EFCAB3: variants seen among roughly 807,000 people sequenced by gnomAD.
The protein encoded by EFCAB3 is EF-hand calcium binding domain 3.
EFCAB3 carries 36 observed loss-of-function variants against 42.2 expected under a neutral mutation model. The ratio of observed to expected loss-of-function variants is 0.85; its 90% CI spans 0.65 to 1.13. EFCAB3 has a LOEUF of 1.13. Among genes scored for constraint, EFCAB3 ranks in the 50% most tolerant of loss-of-function variants. The pLI is 0.00. For synonymous variants in EFCAB3, 170 were observed against 172.8 expected (o/e 0.98, Z 0.13); for missense variants, 418 against 505.1 (o/e 0.83, Z 1.65).
chr17:62,406,829 G>A lies in EFCAB3; in HGVS notation c.682+156G>A, dbSNP rs77655960. Reference sequence around the variant, plus strand: ...ACATAGATGTCATTTGAAAGCAAATGTAGATGTAACTGAATCCTCAGACAC... The same window carrying A: ...ACATAGATGTCATTTGAAAGCAAATATAGATGTAACTGAATCCTCAGACAC... On this transcript the variant is annotated intron_variant, in intron 7 of 9. Coordinates refer to ENST00000305286, the MANE Select transcript of EFCAB3 (RefSeq NM_173503.4). Among the ~76,000 whole-genome samples the A allele has an allele frequency of 4.8e-3, 695 of 143,566 alleles. 4 individuals are homozygous for A. Among genetic ancestry groups the A allele is most frequent in the African/African-American group, 0.017 (654 of 38,998 alleles). The allele number at this position is 143,566 out of a possible 152,430, so 94.2% of individuals were successfully genotyped here.
chr17:62,382,554 A>G (rs1179303481), intron 1 of EFCAB3, among the ~76,000 whole-genome samples: 3 of 152,110 alleles, frequency 2.0e-5, no homozygotes, highest in Non-Finnish European at 2.9e-5. Context: ...TTCATCTTCA[A>G]ACTTTGTATC....
intron 3 of EFCAB3, among the ~76,000 whole-genome samples, chr17:62,390,022 G>A (rs1259487893): frequency 2.6e-5 from 4 of 151,836 alleles, no homozygotes; most frequent in Admixed American, 6.6e-5. Flanking sequence ...TCCTGACCTC[G>A]TGATCCACCC....
At chr17:62,410,495 T>C (rs2070485810) in intron 8 of EFCAB3, among the ~76,000 whole-genome samples, 1 of 152,130 alleles carries the variant, frequency 6.6e-6, no homozygotes, top group East Asian at 1.9e-4. Context: ...AGCTCATGCC[T>C]GTAACCCCAA....
At chr17:62,375,123 A>G (rs912993693) in intron 2 of EFCAB3, among the ~76,000 whole-genome samples, 1 of 152,206 alleles carries the variant, frequency 6.6e-6, no homozygotes, top group Non-Finnish European at 1.5e-5. Flanking sequence ...GTAAAAAGAA[A>G]TAAAAAAGGA....
chr17:62,378,019 G>T, upstream of EFCAB3: 1 of 1,549,146 alleles, frequency 6.5e-7, no homozygotes, highest in East Asian at 2.5e-5. Flanking sequence ...GATATTAAAG[G>T]TGAGTGTGAA....
In EFCAB3 at chr17:62,397,973, C is replaced by T. The variant is rs138907284; in HGVS notation, c.488+2785C>T. On this transcript the variant is annotated intron_variant, in intron 6 of 9. Coordinates refer to ENST00000305286, the MANE Select transcript of EFCAB3 (RefSeq NM_173503.4). ...CTGGGAGGCAGAGGTTGCAGTGAGC[C>T]GACATCATGCCACTGCACTCCAGCC... 299 of 192,478 alleles carry T rather than the reference C, an allele frequency of 1.6e-3. 2 individuals carry two copies. The highest frequency in any genetic ancestry group is 7.4e-3 in the African/African-American group (286 of 38,646). 11.9% of individuals were successfully genotyped at this position (192,478 alleles called of 1,614,324 possible). A position where few individuals can be genotyped will look rare whatever the true frequency, so the allele number is the denominator to read the frequency against.
In EFCAB3 at chr17:62,383,024, A is replaced by T. The variant is rs767184640; in HGVS notation, c.45A>T (p.Leu15=). Residue 15 remains leucine, a synonymous_variant, in exon 2 of 10, where the codon CTA becomes CTT. Transcript: ENST00000305286. ...EIKPKLKLNP[L]TKVPISHNKR... is the part of the protein sequence containing the mutation. Reference sequence around the variant, plus strand: ...AACCAAAACTTAAGCTGAATCCTCTAACAAAAGTACCCATCTCCCACAATA... The same window carrying T: ...AACCAAAACTTAAGCTGAATCCTCTTACAAAAGTACCCATCTCCCACAATA... 2 of 1,613,760 alleles carry T rather than the reference A, an allele frequency of 1.2e-6. No individual in the cohort carries two copies. Among genetic ancestry groups the T allele is most frequent in the Non-Finnish European group, 1.7e-6 (2 of 1,179,902 alleles).
intron 3 of EFCAB3, 113 bp from the exon 4 acceptor site, chr17:62,391,704 TCGCAA>T: frequency 8.9e-7 from 1 of 1,124,310 alleles, no homozygotes; most frequent in Admixed American, 2.4e-5. Context: ...CTCATTTTTT[TCGCAA>T]TCCTTTTTTT....
At chr17:62,415,214 C>T (rs2070536060) in intron 9 of EFCAB3, among the ~76,000 whole-genome samples, 1 of 152,166 alleles carries the variant, frequency 6.6e-6, no homozygotes, top group African/African-American at 2.4e-5. Context: ...AACCTGGTAT[C>T]CTCCAACCAT....
Position 62,387,401 on chromosome 17 carries a change from G to T in EFCAB3, c.136G>T (p.Ala46Ser). 1 of 1,611,558 alleles carries T rather than the reference G, an allele frequency of 6.2e-7. No individual in the cohort carries two copies. Among genetic ancestry groups the T allele is most frequent in the South Asian group, 1.1e-5 (1 of 90,970 alleles). Residue 46 changes from alanine (A) to serine (S), a missense_variant, in exon 3 of 10, where the codon GCT becomes TCT. Ala to Ser is a moderately conservative substitution (Grantham distance 99). Coordinates refer to ENST00000305286, the MANE Select transcript of EFCAB3 (RefSeq NM_173503.4). ...QLQHKEKKLSASQMAAFQDAY... is the reference protein window; with the variant it reads ...QLQHKEKKLSSSQMAAFQDAY... ...ACAACACAAAGAAAAGAAGCTAAGT[G>T]CTTCACAAATGGCAGGTAATGAGAA... is the stretch of plus-strand genomic sequence containing the variant.
At chr17:62,370,247 C>T in exon 1 of EFCAB3, 2 of 1,546,398 alleles carry the variant, frequency 1.3e-6, no homozygotes, top group Non-Finnish European at 1.7e-6. Flanking sequence ...AGAACTTAGA[C>T]AATTTCTAGC....
chr17:62,386,993 C>T (rs1406171775), intron 2 of EFCAB3, among the ~76,000 whole-genome samples: 4 of 152,052 alleles, frequency 2.6e-5, no homozygotes, highest in Non-Finnish European at 5.9e-5. Flanking sequence ...GGTCTTGCTA[C>T]GTTGCCCAAG....
intron 2 of EFCAB3, among the ~76,000 whole-genome samples, chr17:62,384,244 T>C (rs764674732): frequency 1.3e-5 from 2 of 152,218 alleles, no homozygotes; most frequent in Non-Finnish European, 2.9e-5. Flanking sequence ...CTTCAGTCAT[T>C]TGAAACTTTG....
At chr17:62,390,473 C>G (rs2070294003) in intron 3 of EFCAB3, among the ~76,000 whole-genome samples, 1 of 152,180 alleles carries the variant, frequency 6.6e-6, no homozygotes, top group Non-Finnish European at 1.5e-5. Flanking sequence ...CCCAGAATTA[C>G]TTTTTCTTTT....
chr17:62,378,739 G>C (rs1183010687), upstream of EFCAB3, among the ~76,000 whole-genome samples: 1 of 146,678 alleles, frequency 6.8e-6, no homozygotes, highest in Non-Finnish European at 1.5e-5. Flanking sequence ...ACACAGGGAG[G>C]GGAACATCAC....
rs770302739 is a variant in EFCAB3, at chr17:62,407,101, G to T, written c.756G>T (p.Val252=). 6.2e-7 allele frequency: 1 copy of T among 1,613,168 alleles called. No homozygotes were observed. Among genetic ancestry groups the T allele is most frequent in the African/African-American group, 1.3e-5 (1 of 74,886 alleles). ...CATTGTTCCCTAATGTGGATGGGGTGGTGATGGGAAAGCCATTCAAAGACA... is the reference window on the plus strand; with the variant it reads ...CATTGTTCCCTAATGTGGATGGGGTTGTGATGGGAAAGCCATTCAAAGACA... The part of the protein sequence containing the change: ...IFPLFPNVDG[V]VMGKPFKDMQ... The change falls in exon 8 of 10, where the codon GTG becomes GTT. Residue 252 remains valine (V), a synonymous_variant. Coordinates refer to ENST00000305286, the MANE Select transcript of EFCAB3 (RefSeq NM_173503.4).
chr17:62,374,294 C>T (rs1227173292), intron 2 of EFCAB3, among the ~76,000 whole-genome samples: 1 of 152,100 alleles, frequency 6.6e-6, no homozygotes, highest in Non-Finnish European at 1.5e-5. Flanking sequence ...AACCTCATCT[C>T]TACTAAAAAT....
At chr17:62,402,910 A>G (rs989521021) in intron 6 of EFCAB3, among the ~76,000 whole-genome samples, 2 of 152,122 alleles carry the variant, frequency 1.3e-5, no homozygotes, top group African/African-American at 4.8e-5. Flanking sequence ...CTGTGAATCC[A>G]TCTGGTCCTG....
intron 6 of EFCAB3, among the ~76,000 whole-genome samples, chr17:62,396,604 A>C (rs2144087995): frequency 6.6e-6 from 1 of 151,994 alleles, no homozygotes; most frequent in East Asian, 1.9e-4. Context: ...GTTTAAAAAA[A>C]AATTATAGCC....
Sources: gnomAD v4.1 joint callset for allele counts (sites outside exome capture counted in the v4.1 genomes callset) on GRCh38, gnomAD v4.1.1 for gene constraint, MANE v1.5 for transcripts, NCBI Gene and HGNC (gene_info 2026-07-23, HGNC 2026-07-21) for gene names.